DSCAM: variants seen among roughly 807,000 people sequenced by gnomAD.
DSCAM encodes cell adhesion molecule DSCAM.
Under a neutral mutation model 217.7 loss-of-function variants are expected in DSCAM, and 47 were observed. That is an observed-to-expected ratio of 0.22 (90% confidence interval 0.17 to 0.28). The LOEUF (loss-of-function observed/expected upper bound fraction) is 0.28, where lower values mean the gene tolerates loss of function less well. Ranked by LOEUF, DSCAM falls within the 10% of genes least tolerant of loss-of-function variation. DSCAM has a pLI of 1.00. For synonymous variants in DSCAM, 1,056 were observed against 1,015.3 expected (o/e 1.04, Z -0.76); for missense variants, 2,080 against 2,618.3 (o/e 0.79, Z 4.49).
At chr21:40,333,025 G>C (rs1385671183) in intron 8 of DSCAM, among the ~76,000 whole-genome samples, 1 of 152,174 alleles carries the variant, frequency 6.6e-6, no homozygotes, top group Non-Finnish European at 1.5e-5. Context: ...GATCAAGTGG[G>C]CCACTTCCAC....
chr21:40,341,229 T>C (rs1427063738), intron 6 of DSCAM, among the ~76,000 whole-genome samples: 1 of 152,216 alleles, frequency 6.6e-6, no homozygotes, highest in East Asian at 1.9e-4. Context: ...ACATCCTGTG[T>C]TTAATTTTAC....
chr21:40,235,905 A>G (rs1420525507), intron 11 of DSCAM, among the ~76,000 whole-genome samples: 2 of 152,190 alleles, frequency 1.3e-5, no homozygotes, highest in African/African-American at 2.4e-5. Context: ...TCACTGTTGC[A>G]TGGATAATTT....
chr21:40,685,085 C>T (rs1242690936), intron 3 of DSCAM, among the ~76,000 whole-genome samples: 1 of 152,220 alleles, frequency 6.6e-6, no homozygotes, highest in Non-Finnish European at 1.5e-5. Flanking sequence ...GCTTGAAATA[C>T]TTGGGTACAA....
At chr21:40,342,387 G>C (rs1050688347) in intron 6 of DSCAM, among the ~76,000 whole-genome samples, 2 of 151,514 alleles carry the variant, frequency 1.3e-5, no homozygotes, top group African/African-American at 4.9e-5. Flanking sequence ...AATGCTTTCT[G>C]TGTCCTAAGA....
chr21:40,232,799 C>T (rs373875389), intron 11 of DSCAM, among the ~76,000 whole-genome samples: 11 of 152,038 alleles, frequency 7.2e-5, no homozygotes, highest in African/African-American at 2.4e-4. Context: ...CTAAGCAGGA[C>T]TTTTACTGAG....
chr21:40,156,294 A>AGG (rs2090476892), intron 16 of DSCAM, among the ~76,000 whole-genome samples: 1 of 65,608 alleles, frequency 1.5e-5, no homozygotes, highest in Non-Finnish European at 2.8e-5. Flanking sequence ...AGACAGAGAG[A>AGG]GAGAGAGAGA....
intron 1 of DSCAM, among the ~76,000 whole-genome samples, chr21:40,843,199 A>G (rs2092116427): frequency 6.6e-6 from 1 of 152,192 alleles, no homozygotes; most frequent in Non-Finnish European, 1.5e-5. Context: ...TATCAAGTGA[A>G]TGGATGAAGC....
chr21:40,050,727 C>T (rs1177433200), intron 30 of DSCAM, among the ~76,000 whole-genome samples: 12 of 152,106 alleles, frequency 7.9e-5, no homozygotes, highest in African/African-American at 2.7e-4. Context: ...GTGATCCGAC[C>T]GCCTCGGCCT....
chr21:40,743,962 T>C (rs2146547438), intron 1 of DSCAM, among the ~76,000 whole-genome samples: 1 of 152,260 alleles, frequency 6.6e-6, no homozygotes. Flanking sequence ...AAGACAAGAA[T>C]ACCACCATGA....
chr21:40,148,754 G>A (rs1207674015), intron 16 of DSCAM, among the ~76,000 whole-genome samples: 1 of 151,718 alleles, frequency 6.6e-6, no homozygotes, highest in African/African-American at 2.4e-5. Flanking sequence ...ATCACCACCA[G>A]CTTCATCTCT....
chr21:40,019,917 C>CCCCCTT (rs2088231606), intron 32 of DSCAM, among the ~76,000 whole-genome samples: 2 of 152,088 alleles, frequency 1.3e-5, no homozygotes, highest in Non-Finnish European at 2.9e-5. Context: ...TCCACATTTC[C>CCCCCTT]CCCCTTCCCC....
At chr21:40,506,956 T>C (rs1030026814) in intron 3 of DSCAM, among the ~76,000 whole-genome samples, 1 of 152,194 alleles carries the variant, frequency 6.6e-6, no homozygotes, top group South Asian at 2.1e-4. Context: ...TACACTTTGA[T>C]TGGAAAAAAA....
chr21:40,228,263 T>A (rs1465351085), intron 11 of DSCAM, among the ~76,000 whole-genome samples: 1 of 152,188 alleles, frequency 6.6e-6, no homozygotes, highest in Non-Finnish European at 1.5e-5. Context: ...TTCCATGTCG[T>A]CCTTTCTGGA....
At chr21:40,497,640 G>T (rs533371500) in intron 3 of DSCAM, among the ~76,000 whole-genome samples, 4 of 152,314 alleles carry the variant, frequency 2.6e-5, no homozygotes, top group Admixed American at 2.6e-4. Flanking sequence ...ATAAAAATAA[G>T]TATATTCAGT....
rs1398317464 is a variant in DSCAM, at chr21:40,019,064, G to A, written c.5687-5678C>T. Among the ~76,000 whole-genome samples, 7 of 152,192 alleles carry A rather than the reference G, an allele frequency of 4.6e-5. No homozygotes were observed. In the East Asian group the frequency reaches 7.7e-4, roughly 17 times the overall value. On this transcript the variant is annotated intron_variant, in intron 32 of 32. Transcript: ENST00000400454. ...AGAAGAGAGCACCAGAGTAGTCAGCGGTAAGCTCTGTTATTACAGGCACTT... is the reference window on the plus strand; with the variant it reads ...AGAAGAGAGCACCAGAGTAGTCAGCAGTAAGCTCTGTTATTACAGGCACTT...
intron 2 of DSCAM, among the ~76,000 whole-genome samples, chr21:40,698,316 A>C (rs2090616979): frequency 6.6e-6 from 1 of 152,236 alleles, no homozygotes; most frequent in Non-Finnish European, 1.5e-5. Flanking sequence ...CACGATAAGC[A>C]AACAGAATGT....
chr21:40,229,986 T>G (rs1461617898), intron 11 of DSCAM, among the ~76,000 whole-genome samples: 2 of 152,356 alleles, frequency 1.3e-5, no homozygotes, highest in Admixed American at 1.3e-4. Context: ...CTTAATATCC[T>G]TGTCAGCAAT....
chr21:40,341,540 C>T (rs187013278), intron 6 of DSCAM, among the ~76,000 whole-genome samples: 5 of 152,248 alleles, frequency 3.3e-5, no homozygotes, highest in East Asian at 1.9e-4. Context: ...ACCACAAAAA[C>T]GATCAAGATA....
chr21:40,525,822 C>A (rs1380167962), intron 3 of DSCAM, among the ~76,000 whole-genome samples: 3 of 152,212 alleles, frequency 2.0e-5, no homozygotes, highest in East Asian at 1.9e-4. Flanking sequence ...AGGGCTCCTA[C>A]TGAAAACCCC....
Sources: gnomAD v4.1 joint callset for allele counts (sites outside exome capture counted in the v4.1 genomes callset) on GRCh38, gnomAD v4.1.1 for gene constraint, MANE v1.5 for transcripts, NCBI Gene and HGNC (gene_info 2026-07-23, HGNC 2026-07-21) for gene names.